Variants in ZNF263 observed in about 807,000 individuals in gnomAD.
The protein encoded by ZNF263 is zinc finger protein FPM315.
Under a neutral mutation model 63.1 loss-of-function variants are expected in ZNF263, and 49 were observed. That is an observed-to-expected ratio of 0.78 (90% CI 0.62 to 0.99). The LOEUF (loss-of-function observed/expected upper bound fraction) is 0.99, where lower values mean the gene tolerates loss of function less well. Among genes scored for constraint, ZNF263 ranks in the 50% least tolerant of loss-of-function variants. ZNF263 has a pLI of 0.00. For missense variants in ZNF263, 872 were observed against 854.8 expected (o/e 1.02, Z -0.25); for synonymous variants, 352 against 324.2 (o/e 1.09, Z -0.92).
chr16:3,293,105 C>A (rs1959655977), downstream of ZNF263: 1 of 152,196 alleles, frequency 6.6e-6, no homozygotes, highest in African/African-American at 2.4e-5. Flanking sequence ...CTCTGTGTCC[C>A]CACGCAAATC....
Position 3,289,736 on chromosome 16 carries a change from C to A in ZNF263, c.1230C>A (p.Asp410Glu). 2.5e-6 allele frequency: 4 copies of A among 1,614,196 alleles called. No homozygotes were observed. The highest frequency in any genetic ancestry group is 1.6e-4 in the Middle Eastern group (1 of 6,062). The part of the protein sequence containing the change: ...HAAERLCMGV[D>E]CTEIFGGNPR... ...CTGAAAGACTGTGTATGGGTGTGGA[C>A]TGCACTGAAATCTTTGGTGGGAACC... The change falls in exon 6 of 6, where the codon GAC (aspartate) becomes GAA (glutamate). Residue 410 changes from aspartate to glutamate, a missense_variant. Asp to Glu is a conservative substitution (Grantham distance 45). Transcript: ENST00000219069.
intron 2 of ZNF263, chr16:3,299,707 G>A: frequency 6.5e-7 from 1 of 1,536,860 alleles, no homozygotes; most frequent in Non-Finnish European, 8.7e-7. Context: ...GGATTCAGAG[G>A]AAGGATGAGC....
At chr16:3,288,367 T>C in intron 4 of ZNF263, 87 bp from the exon 5 acceptor site, 1 of 924,992 alleles carries the variant, frequency 1.1e-6, no homozygotes, top group Non-Finnish European at 1.8e-6. Flanking sequence ...TCTGTATTTA[T>C]CCACTGAGGG....
rs1366010006 is a variant in ZNF263, at chr16:3,290,861, G to A, written c.*303G>A. 2.0e-5 allele frequency: 22 copies of A among 1,107,898 alleles called. No individual in the cohort carries two copies. Among genetic ancestry groups the A allele is most frequent in the Non-Finnish European group, 2.4e-5 (22 of 905,870 alleles). The allele number at this position is 1,107,898 out of a possible 1,614,324, so 68.6% of individuals were successfully genotyped here. On this transcript the variant is annotated 3_prime_UTR_variant, in exon 6 of 6. Transcript: ENST00000219069. ...TTTTTAAAGCCAAGGTGCGATTTGG[G>A]CACCTGACTGTCCAGTTTACCTTAA...
At chr16:3,295,383 C>G (rs1039051128), downstream of ZNF263, among the ~76,000 whole-genome samples, 29 of 152,250 alleles carry the variant, frequency 1.9e-4, no homozygotes, top group Non-Finnish European at 4.1e-4. Flanking sequence ...CCCAAGTCAC[C>G]GCCCCTCCCC....
At chr16:3,299,528 T>C (rs1959870321) in intron 2 of ZNF263, 1 of 1,529,764 alleles carries the variant, frequency 6.5e-7, no homozygotes, top group Non-Finnish European at 8.7e-7. Flanking sequence ...TTATCTCCTT[T>C]CTCTTGCTCA....
rs752155930 is a variant in ZNF263, at chr16:3,289,604, G to A, written c.1098G>A (p.Leu366=). ...ALAGASSGRE[L]GRPKELQPKK... ...CAGGAGCCTCAAGTGGCAGAGAACT[G>A]GGGCGACCGAAGGAACTGCAGCCAA... Residue 366 remains leucine, a synonymous_variant, in exon 6 of 6, where the codon CTG becomes CTA. Coordinates refer to ENST00000219069, the MANE Select transcript of ZNF263 (RefSeq NM_005741.5). 5 of 1,614,036 alleles carry A rather than the reference G, an allele frequency of 3.1e-6. No homozygotes were observed. The East Asian group carries it at 6.7e-5, about 22-fold the overall frequency.
chr16:3,297,140 T>TA (rs973385418), intron 1 of ZNF263, among the ~76,000 whole-genome samples: 2 of 151,790 alleles, frequency 1.3e-5, no homozygotes, highest in Non-Finnish European at 2.9e-5. Flanking sequence ...TCGTCTCTAC[T>TA]AAAAATACAA....
At chr16:3,294,270 A>G (rs1209356397), downstream of ZNF263, among the ~76,000 whole-genome samples, 2 of 152,182 alleles carry the variant, frequency 1.3e-5, no homozygotes, top group East Asian at 3.9e-4. Context: ...ACATTAACTG[A>G]TACTACTTTG....
rs139014745 is a variant in ZNF263 at position 3,291,278 on chromosome 16, C to G, written c.*720C>G. On this transcript the variant is annotated 3_prime_UTR_variant, in exon 6 of 6. Coordinates refer to ENST00000219069, the MANE Select transcript of ZNF263 (RefSeq NM_005741.5). The stretch of plus-strand genomic sequence containing the variant: ...CCTTTGTGGAGAATGAGATTCCCCC[C>G]ACCTGTGTGAGAAAAATAAACAGCT... The G allele has an allele frequency of 6.1e-6, 6 of 985,376 alleles. No individual in the cohort carries two copies. Among genetic ancestry groups the G allele is most frequent in the East Asian group, 1.1e-4 (1 of 8,820 alleles). 61.0% of individuals were successfully genotyped at this position (985,376 alleles called of 1,614,324 possible). A position where few individuals can be genotyped will look rare whatever the true frequency, so the allele number is the denominator to read the frequency against.
intron 3 of ZNF263, 110 bp from the exon 4 acceptor site, chr16:3,285,913 T>TC (rs111986141): frequency 7.4e-5 from 117 of 1,584,372 alleles, no homozygotes; most frequent in Admixed American, 4.2e-4. Context: ...ATACCCTTCT[T>TC]CCCCCCTGAC....
rs1018747931 is a variant in ZNF263 at position 3,286,236 on chromosome 16, C to CT, written c.769+88dup. ...TTCATTCACCTCCTGGACACAGACT[C>CT]TGAGTTTTGCCAAGAAGCCTCCACA... On this transcript the variant is annotated intron_variant, in intron 4 of 5. Transcript: ENST00000219069. 2.0e-5 allele frequency: 30 copies of CT among 1,490,596 alleles called. No individual in the cohort carries two copies. In the Admixed American group the frequency reaches 2.6e-4, roughly 13 times the overall value. The allele number at this position is 1,490,596 out of a possible 1,614,324, so 92.3% of individuals were successfully genotyped here.
At chr16:3,294,394 A>T (rs1452106277), downstream of ZNF263, among the ~76,000 whole-genome samples, 1 of 152,224 alleles carries the variant, frequency 6.6e-6, no homozygotes. Context: ...AGGAAAACCA[A>T]CTAGCAAATT....
In ZNF263 at chr16:3,289,790, C is replaced by G. The variant is rs765822647; in HGVS notation, c.1284C>G (p.His428Gln). ...NPRFLSLHRA[H>Q]LGEEAHKCLE... ...GTTTCCTGTCACTACACAGAGCACACCTGGGAGAGGAGGCCCACAAGTGCC... is the reference window on the plus strand; with the variant it reads ...GTTTCCTGTCACTACACAGAGCACAGCTGGGAGAGGAGGCCCACAAGTGCC... Residue 428 changes from histidine to glutamine, a missense_variant, in exon 6 of 6, where the codon CAC becomes CAG. Physicochemically the swap from His to Gln is conservative, Grantham distance 24. Coordinates refer to ENST00000219069, the MANE Select transcript of ZNF263 (RefSeq NM_005741.5). 2 of 1,614,116 alleles carry G rather than the reference C, an allele frequency of 1.2e-6. No homozygotes were observed. The highest frequency in any genetic ancestry group is 3.3e-5 in the Admixed American group (2 of 60,010).
intron 3 of ZNF263, 130 bp from the exon 4 acceptor site, chr16:3,285,893 T>G: frequency 6.4e-7 from 1 of 1,551,668 alleles, no homozygotes; most frequent in East Asian, 2.2e-5. Flanking sequence ...ACACCTCACT[T>G]GGAGGCCTGA....
intron 1 of ZNF263, among the ~76,000 whole-genome samples, chr16:3,297,371 GT>G (rs1379413762): frequency 2.7e-4 from 40 of 150,582 alleles, no homozygotes; most frequent in African/African-American, 9.5e-4. Context: ...GTGGACCCCA[GT>G]AGTTCTGTAT....
chr16:3,284,327 G>A (rs1005307882), intron 1 of ZNF263, 122 bp downstream of exon 1: 1 of 1,366,490 alleles, frequency 7.3e-7, no homozygotes, highest in African/African-American at 1.5e-5. Flanking sequence ...AAGAGGACTT[G>A]TGATTTAACC....
chr16:3,286,524 G>T (rs1481409029), intron 4 of ZNF263: 1 of 156,486 alleles, frequency 6.4e-6, no homozygotes, highest in East Asian at 1.9e-4. Context: ...GAGCTCGCCA[G>T]TGTTTCCTGT....
At chr16:3,288,679 C>G in intron 5 of ZNF263, 109 bp downstream of exon 5, 1 of 701,248 alleles carries the variant, frequency 1.4e-6, no homozygotes, top group Non-Finnish European at 2.4e-6. Context: ...GAGTGGCACT[C>G]TTGTTGCCCA....
Sources: allele counts gnomAD v4.1 joint callset (sites outside exome capture counted in the v4.1 genomes callset), GRCh38; gene constraint gnomAD v4.1.1; transcripts MANE v1.5; gene names NCBI Gene and HGNC (gene_info 2026-07-23, HGNC 2026-07-21).